The following TNFRSF21 variants were observed in gnomAD, a reference collection of about 807,000 sequenced individuals.
The protein encoded by TNFRSF21 is tumor necrosis factor receptor superfamily member 21.
A neutral mutation model predicts 45.6 loss-of-function variants in TNFRSF21; 19 were observed. The observed-to-expected ratio is 0.42, with a 90% CI of 0.29 to 0.61. TNFRSF21 has a LOEUF of 0.61. Ranked by LOEUF, TNFRSF21 falls within the 20% of genes least tolerant of loss-of-function variation. The probability of loss-of-function intolerance (pLI) is 0.23; values close to 1 mark genes in which losing one functional copy is unlikely to be tolerated. For missense variants in TNFRSF21, 737 were observed against 851.5 expected, an observed-to-expected ratio of 0.87 and a Z score of 1.67; for synonymous variants, 314 against 335.5, an observed-to-expected ratio of 0.94 and a Z score of 0.70.
chr6:47,291,160 G>A (rs937939802), intron 1 of TNFRSF21, among the ~76,000 whole-genome samples: 1 of 152,212 alleles, frequency 6.6e-6, no homozygotes, highest in Non-Finnish European at 1.5e-5. Context: ...CAGATCAAAA[G>A]TGTGAAGCAG....
chr6:47,290,820 A>C (rs1233353484), intron 1 of TNFRSF21, among the ~76,000 whole-genome samples: 3 of 152,250 alleles, frequency 2.0e-5, no homozygotes, highest in Non-Finnish European at 4.4e-5. Flanking sequence ...CTATGAATTC[A>C]CTGGACAAAT....
At position 47,284,279 on chromosome 6, in the gene TNFRSF21, T is replaced by C. The variant is rs1356693954; in HGVS notation, c.902A>G (p.Gln301Arg). The change falls in exon 3 of 6, where the codon CAG becomes CGG. Residue 301 changes from glutamine to arginine, a missense_variant. By Grantham distance (43) the Gln-to-Arg change is conservative. Coordinates refer to ENST00000296861, the MANE Select transcript of TNFRSF21 (RefSeq NM_014452.5). ...GATGTGTCTGTGGTGGGGGCCTTGC[T>C]GGTGGTTGACTACCTGAAGGTTTGG... ...TLPNLQVVNH[Q>R]QGPHHRHILK... 6.2e-7 allele frequency: 1 copy of C among 1,611,626 alleles called. No individual in the cohort carries two copies. Among genetic ancestry groups the C allele is most frequent in the East Asian group, 2.2e-5 (1 of 44,878 alleles).
Position 47,251,314 on chromosome 6 carries a change from C to T in TNFRSF21, c.1509+1942G>A, listed in dbSNP as rs1288629689. Among the ~76,000 whole-genome samples the T allele has an allele frequency of 5.9e-5, 9 of 152,180 alleles. No individual in the cohort carries two copies. The South Asian group carries it at 1.2e-3, about 21-fold the overall frequency. On this transcript the variant is annotated intron_variant, in intron 4 of 5. Transcript: ENST00000296861. ...AACTCAAAGGCTATAGCAGAACCAA[C>T]GAGAAAGTTGTAGAGTGCTTTGACA...
chr6:47,256,995 C>A (rs957987615), intron 3 of TNFRSF21, among the ~76,000 whole-genome samples: 1 of 152,100 alleles, frequency 6.6e-6, no homozygotes, highest in Non-Finnish European at 1.5e-5. Context: ...AGGGTCACTG[C>A]GGATAAGCTG....
Position 47,278,016 on chromosome 6 carries a change from T to A in TNFRSF21, c.1243+5922A>T, listed in dbSNP as rs145469461. 3.2e-3 allele frequency among the ~76,000 whole-genome samples: 491 copies of A among 152,212 alleles called. 1 individual carries two copies. The highest frequency in any genetic ancestry group is 0.011 in the African/African-American group (457 of 41,536). ...TGCCTTGGCCTTTGAATTAGCAGGGTTCTCTCTCTTGGCATCACCCTGCTC... is the reference window on the plus strand; with the variant it reads ...TGCCTTGGCCTTTGAATTAGCAGGGATCTCTCTCTTGGCATCACCCTGCTC... On this transcript the variant is annotated intron_variant, in intron 3 of 5. Coordinates refer to ENST00000296861, the MANE Select transcript of TNFRSF21 (RefSeq NM_014452.5).
At chr6:47,281,216 A>T (rs1762563147) in intron 3 of TNFRSF21, among the ~76,000 whole-genome samples, 1 of 152,124 alleles carries the variant, frequency 6.6e-6, no homozygotes, top group Admixed American at 6.5e-5. Flanking sequence ...CAGGAAATAC[A>T]TGCTAAAGTA....
rs551357348 is a variant in TNFRSF21 at position 47,309,582 on chromosome 6, A to T, written c.-71T>A. On this transcript the variant is annotated 5_prime_UTR_variant, in exon 1 of 6. Coordinates refer to ENST00000296861, the MANE Select transcript of TNFRSF21 (RefSeq NM_014452.5). ...CTGGAATCGGCGGCTGCTTCTGCCCAGCGCCGCATCCACCGCCGCCTCCCG... is the reference window on the plus strand; with the variant it reads ...CTGGAATCGGCGGCTGCTTCTGCCCTGCGCCGCATCCACCGCCGCCTCCCG... The T allele has an allele frequency of 8.4e-4, 1,157 of 1,373,456 alleles. 8 individuals carry two copies. The African/African-American group carries it at 0.016, about 19-fold the overall frequency. The allele number at this position is 1,373,456 out of a possible 1,614,324, so 85.1% of individuals were successfully genotyped here. A position where few individuals can be genotyped will look rare whatever the true frequency, so the allele number is the denominator to read the frequency against.
At chr6:47,297,510 C>CTTTT (rs55690288) in intron 1 of TNFRSF21, among the ~76,000 whole-genome samples, 4 of 117,470 alleles carry the variant, frequency 3.4e-5, no homozygotes, top group African/African-American at 6.3e-5. Flanking sequence ...TCTCTTTTTA[C>CTTTT]TTTTTTTTTT....
At chr6:47,263,015 G>A (rs1362064209) in intron 3 of TNFRSF21, among the ~76,000 whole-genome samples, 1 of 152,148 alleles carries the variant, frequency 6.6e-6, no homozygotes, top group Non-Finnish European at 1.5e-5. Context: ...ACCAGTTAGA[G>A]GCCACAGCAG....
intron 4 of TNFRSF21, among the ~76,000 whole-genome samples, chr6:47,250,587 T>C (rs1313225480): frequency 6.6e-6 from 1 of 152,196 alleles, no homozygotes; most frequent in African/African-American, 2.4e-5. Context: ...TTCAGGCTTA[T>C]GAAGAGAAAA....
rs149889372 is a variant in TNFRSF21 at position 47,281,744 on chromosome 6, T to C, written c.1243+2194A>G. Among the ~76,000 whole-genome samples, 22 of 152,256 alleles carry C rather than the reference T, an allele frequency of 1.4e-4. No individual in the cohort carries two copies. In the East Asian group the frequency reaches 4.2e-3, roughly 29 times the overall value. ...AAGCAAAAGAGCAATATGTTAATAA[T>C]AGATAAATGTGGGCACAGGTATGTA... is the stretch of plus-strand genomic sequence containing the variant. On this transcript the variant is annotated intron_variant, in intron 3 of 5. Coordinates refer to ENST00000296861, the MANE Select transcript of TNFRSF21 (RefSeq NM_014452.5).
intron 4 of TNFRSF21, among the ~76,000 whole-genome samples, chr6:47,250,297 C>T (rs1764882855): frequency 6.6e-6 from 1 of 152,144 alleles, no homozygotes; most frequent in African/African-American, 2.4e-5. Context: ...CAACTATTAT[C>T]CCACTGTTTT....
At chr6:47,280,439 C>T (rs1762551037) in intron 3 of TNFRSF21, among the ~76,000 whole-genome samples, 1 of 152,144 alleles carries the variant, frequency 6.6e-6, no homozygotes, top group Admixed American at 6.5e-5. Flanking sequence ...TACCCGGTTG[C>T]ATGTTTGAGA....
intron 1 of TNFRSF21, among the ~76,000 whole-genome samples, chr6:47,299,908 G>C (rs974641939): frequency 6.6e-6 from 1 of 152,208 alleles, no homozygotes; most frequent in African/African-American, 2.4e-5. Context: ...CTGGCAATGT[G>C]CAGCAAAAGC....
At chr6:47,259,306 A>G (rs931354961) in intron 3 of TNFRSF21, among the ~76,000 whole-genome samples, 1 of 151,986 alleles carries the variant, frequency 6.6e-6, no homozygotes, top group Non-Finnish European at 1.5e-5. Context: ...TTTTCCTTAC[A>G]TTGAAAAGTA....
intron 3 of TNFRSF21, among the ~76,000 whole-genome samples, chr6:47,256,912 C>T (rs772620391): frequency 3.9e-5 from 6 of 152,094 alleles, no homozygotes; most frequent in Admixed American, 6.5e-5. Flanking sequence ...TTCATAATGC[C>T]GATGACAGTG....
intron 1 of TNFRSF21, among the ~76,000 whole-genome samples, chr6:47,288,919 T>C (rs1762684315): frequency 6.6e-6 from 1 of 152,220 alleles, no homozygotes; most frequent in South Asian, 2.1e-4. Flanking sequence ...TACGAAAGCA[T>C]GGGCCTGCAG....
At chr6:47,266,643 C>A (rs968459164) in intron 3 of TNFRSF21, among the ~76,000 whole-genome samples, 2 of 152,146 alleles carry the variant, frequency 1.3e-5, no homozygotes, top group Non-Finnish European at 2.9e-5. Flanking sequence ...GTTCGACCAC[C>A]AAGCCAGCTG....
chr6:47,251,647 C>T (rs141834932), intron 4 of TNFRSF21, among the ~76,000 whole-genome samples: 13 of 152,312 alleles, frequency 8.5e-5, no homozygotes, highest in South Asian at 2.1e-4. Flanking sequence ...CTTATTCTCA[C>T]GTATCTAAAT....
Sources: gnomAD v4.1 joint callset for allele counts (sites outside exome capture counted in the v4.1 genomes callset) on GRCh38, gnomAD v4.1.1 for gene constraint, MANE v1.5 for transcripts, NCBI Gene and HGNC (gene_info 2026-07-23, HGNC 2026-07-21) for gene names.